The following ACBD6 variants were observed in gnomAD, a reference collection of about 807,000 sequenced individuals.
ACBD6 encodes acyl-CoA binding domain containing 6, also known as acyl-CoA-binding domain-containing protein 6.
Under a neutral mutation model 37.2 loss-of-function variants are expected in ACBD6, and 28 were observed. That is an observed-to-expected ratio of 0.75 (90% CI 0.56 to 1.03). The LOEUF (loss-of-function observed/expected upper bound fraction) is 1.03. Ranked by LOEUF, ACBD6 falls within the 50% of genes least tolerant of loss-of-function variation. The pLI is 0.00. For synonymous variants in ACBD6, 113 were observed against 126.8 expected, an observed-to-expected ratio of 0.89 and a Z score of 0.73; for missense variants, 340 against 337.4, an observed-to-expected ratio of 1.01 and a Z score of -0.06.
At chr1:180,272,744 T>A (rs1648752303) in intron 12 of ACBD6, 1 of 152,260 alleles carries the variant, frequency 6.6e-6, no homozygotes. Context: ...AGACCTGGTT[T>A]CCAGTGCAGC....
chr1:180,351,926 C>T (rs542281996), intron 6 of ACBD6, among the ~76,000 whole-genome samples: 1 of 152,228 alleles, frequency 6.6e-6, no homozygotes, highest in African/African-American at 2.4e-5. Flanking sequence ...AAAGGATAAA[C>T]AAAATATGGT....
intron 6 of ACBD6, among the ~76,000 whole-genome samples, chr1:180,334,688 A>C (rs914744328): frequency 1.3e-5 from 2 of 152,252 alleles, no homozygotes; most frequent in Non-Finnish European, 2.9e-5. Context: ...TGAGAGAAGA[A>C]GGCTTCAGAC....
At chr1:180,411,294 G>A (rs1647847840) in intron 5 of ACBD6, among the ~76,000 whole-genome samples, 1 of 152,200 alleles carries the variant, frequency 6.6e-6, no homozygotes, top group Admixed American at 6.5e-5. Context: ...ATAAAGCAGT[G>A]GCAGGGTTTG....
At chr1:180,286,044 T>C (rs1380895972), downstream of ACBD6, among the ~76,000 whole-genome samples, 1 of 152,176 alleles carries the variant, frequency 6.6e-6, no homozygotes. Context: ...CCATGTAGTA[T>C]ATTAATTCTA....
intron 3 of ACBD6, among the ~76,000 whole-genome samples, chr1:180,486,164 C>T (rs550472742): frequency 3.9e-5 from 6 of 152,262 alleles, no homozygotes; most frequent in South Asian, 2.1e-4. Flanking sequence ...GATGAGGTAA[C>T]GTATCTCTAT....
intron 6 of ACBD6, among the ~76,000 whole-genome samples, chr1:180,383,309 A>T (rs540775334): frequency 6.6e-6 from 1 of 152,320 alleles, no homozygotes; most frequent in African/African-American, 2.4e-5. Context: ...CTCCACCAAA[A>T]ATCTCTTAGA....
At chr1:180,436,471 AT>A (rs1416004943) in intron 3 of ACBD6, among the ~76,000 whole-genome samples, 1 of 152,112 alleles carries the variant, frequency 6.6e-6, no homozygotes, top group Non-Finnish European at 1.5e-5. Context: ...CTTTTGTGCC[AT>A]TTTGGGGTGG....
At chr1:180,353,301 A>T (rs1262913599) in intron 6 of ACBD6, among the ~76,000 whole-genome samples, 1 of 152,182 alleles carries the variant, frequency 6.6e-6, no homozygotes, top group Non-Finnish European at 1.5e-5. Context: ...TTATTCTTTA[A>T]GCTTTTCTTC....
intron 3 of ACBD6, among the ~76,000 whole-genome samples, chr1:180,465,407 G>A (rs1014979636): frequency 3.3e-5 from 5 of 150,356 alleles, no homozygotes; most frequent in African/African-American, 1.2e-4. Context: ...AAGGATGAAA[G>A]AAAAGCTCAA....
chr1:180,428,263 ATATT>A (rs1177851105), intron 4 of ACBD6, among the ~76,000 whole-genome samples: 1 of 152,214 alleles, frequency 6.6e-6, no homozygotes, highest in African/African-American at 2.4e-5. Context: ...CATTCAATTA[ATATT>A]TATTAAACAT....
At chr1:180,406,751 C>T (rs1174153275) in intron 5 of ACBD6, among the ~76,000 whole-genome samples, 3 of 151,994 alleles carry the variant, frequency 2.0e-5, no homozygotes, top group Non-Finnish European at 4.4e-5. Context: ...TTAGGTTGAA[C>T]CTGCTGAATT....
chr1:180,326,298 G>GCCA (rs1412996396), intron 6 of ACBD6: 1 of 152,708 alleles, frequency 6.5e-6, no homozygotes, highest in African/African-American at 2.4e-5. Flanking sequence ...ACTCCCAGTT[G>GCCA]CCACCACCAC....
At chr1:180,492,407 T>A (rs368124772) in intron 2 of ACBD6, 42 bp from the exon 3 acceptor site, 1 of 1,435,910 alleles carries the variant, frequency 7.0e-7, no homozygotes, top group Non-Finnish European at 9.8e-7. Context: ...ATTATGCAAA[T>A]AACACAAACA....
intron 7 of ACBD6, among the ~76,000 whole-genome samples, chr1:180,298,864 T>A (rs1650019037): frequency 6.6e-6 from 1 of 152,180 alleles, no homozygotes; most frequent in Admixed American, 6.5e-5. Flanking sequence ...AGAATGAGAC[T>A]GAATAACTTA....
At chr1:180,481,191 A>C (rs893043667) in intron 3 of ACBD6, among the ~76,000 whole-genome samples, 1 of 151,788 alleles carries the variant, frequency 6.6e-6, no homozygotes, top group Non-Finnish European at 1.5e-5. Context: ...ATAAATCAAA[A>C]CCGACTTCAT....
intron 6 of ACBD6, among the ~76,000 whole-genome samples, chr1:180,329,208 A>C (rs1469036616): frequency 6.6e-6 from 1 of 152,214 alleles, no homozygotes; most frequent in African/African-American, 2.4e-5. Flanking sequence ...ATTGAACAAA[A>C]ACATCATTTA....
chr1:180,407,831 A>G (rs1647686413), intron 5 of ACBD6, among the ~76,000 whole-genome samples: 1 of 152,226 alleles, frequency 6.6e-6, no homozygotes, highest in African/African-American at 2.4e-5. Flanking sequence ...TGCATTGTAT[A>G]AAGTATTATG....
Position 180,345,548 on chromosome 1 carries a change from A to G in ACBD6, c.664-30826T>C, listed in dbSNP as rs1652145832. Among the ~76,000 whole-genome samples, 3 of 152,062 alleles carry G rather than the reference A, an allele frequency of 2.0e-5. No homozygotes were observed. The South Asian group carries it at 6.2e-4, about 31-fold the overall frequency. On this transcript the variant is annotated intron_variant, in intron 6 of 7. Coordinates refer to ENST00000367595, the MANE Select transcript of ACBD6 (RefSeq NM_032360.4). ...TACTTCAAATATTTAAAAAAACCTT[A>G]TAAAAAAGTTTATTCCAGTATTATC...
intron 4 of ACBD6, among the ~76,000 whole-genome samples, chr1:180,421,470 C>T (rs1030095707): frequency 3.3e-5 from 5 of 152,148 alleles, no homozygotes; most frequent in Non-Finnish European, 5.9e-5. Flanking sequence ...TATGCATGCA[C>T]GTAACTTTAT....
Sources: gnomAD v4.1 joint callset for allele counts (sites outside exome capture counted in the v4.1 genomes callset) on GRCh38, gnomAD v4.1.1 for gene constraint, MANE v1.5 for transcripts, NCBI Gene and HGNC (gene_info 2026-07-23, HGNC 2026-07-21) for gene names.